Variants in DRAP1 observed in about 807,000 individuals in gnomAD.
The protein encoded by DRAP1 is dr1-associated corepressor.
A neutral mutation model predicts 24.1 loss-of-function variants in DRAP1; 10 were observed. The observed-to-expected ratio is 0.41, with a 90% CI of 0.26 to 0.70. The LOEUF (loss-of-function observed/expected upper bound fraction) is 0.70, where lower values mean the gene tolerates loss of function less well. Ranked by LOEUF, DRAP1 falls within the 30% of genes least tolerant of loss-of-function variation. The pLI, the probability that DRAP1 is intolerant of heterozygous loss-of-function variation, is 0.29. For synonymous variants in DRAP1, 122 were observed against 113.8 expected (o/e 1.07, Z -0.46); for missense variants, 264 against 275.6 (o/e 0.96, Z 0.30).
chr11:65,920,753 CT>C, intron 5 of DRAP1, 91 bp downstream of exon 5: 1 of 1,435,934 alleles, frequency 7.0e-7, no homozygotes, highest in Non-Finnish European at 9.2e-7. Flanking sequence ...AGCTCTCATC[CT>C]TTTCTGCAAC....
Position 65,919,479 on chromosome 11 carries a change from G to A in DRAP1, c.-23G>A, listed in dbSNP as rs1056785292. On this transcript the variant is annotated 5_prime_UTR_variant, in exon 1 of 7. Coordinates refer to ENST00000312515, the MANE Select transcript of DRAP1 (RefSeq NM_006442.4). Reference sequence around the variant, plus strand: ...GGCTGCGGGCGGCGGCGCTGGACCCGACGCGGCGAGAGAGGCCCCGAGATG... The same window carrying A: ...GGCTGCGGGCGGCGGCGCTGGACCCAACGCGGCGAGAGAGGCCCCGAGATG... 4 of 1,532,990 alleles carry A rather than the reference G, an allele frequency of 2.6e-6. No homozygotes were observed. Among genetic ancestry groups the A allele is most frequent in the Non-Finnish European group, 2.6e-6 (3 of 1,140,600 alleles). 95.0% of individuals were successfully genotyped at this position (1,532,990 alleles called of 1,614,324 possible).
At position 65,920,590 on chromosome 11, in the gene DRAP1, C is replaced by A; in HGVS notation, c.351C>A (p.Gly117=). The A allele has an allele frequency of 6.3e-7, 1 of 1,582,130 alleles. No homozygotes were observed. Among genetic ancestry groups the A allele is most frequent in the Non-Finnish European group, 8.6e-7 (1 of 1,164,082 alleles). The part of the protein sequence containing the change: ...GARRGRKPGS[G]GRKNGGMGTK... ...AAAGGGGCCGGAAGCCAGGCAGCGG[C>A]GGCCGGAAGAACGGTGGGATGGGAA... Residue 117 remains glycine, a synonymous_variant, in exon 5 of 7, where the codon GGC becomes GGA. Transcript: ENST00000312515.
chr11:65,919,860 G>A lies in DRAP1; in HGVS notation c.115+8G>A, dbSNP rs778558951. 1 of 1,613,132 alleles carries A rather than the reference G, an allele frequency of 6.2e-7. No individual in the cohort carries two copies. Among genetic ancestry groups the A allele is most frequent in the Non-Finnish European group, 8.5e-7 (1 of 1,179,940 alleles). On this transcript the variant is annotated splice_region_variant and intron_variant, in intron 2 of 6. Coordinates refer to ENST00000312515, the MANE Select transcript of DRAP1 (RefSeq NM_006442.4). ...CGGTGCCTGTCATCATCTGTATCCT[G>A]CCGGGGGCGGACCGGGTCGAGGGGC...
chr11:65,919,745 G>A, intron 1 of DRAP1, 35 bp from the exon 2 acceptor site: 2 of 1,612,320 alleles, frequency 1.2e-6, no homozygotes, highest in South Asian at 1.1e-5. Context: ...GGGGACGGTG[G>A]CGACGGGGTC....
chr11:65,920,697 G>A (rs746759850), intron 5 of DRAP1, 35 bp downstream of exon 5: 11 of 1,464,884 alleles, frequency 7.5e-6, no homozygotes, highest in Non-Finnish European at 9.1e-6. Flanking sequence ...CCTGCCCTTG[G>A]TGATGGGACA....
At chr11:65,921,123 G>C (rs1232582213) in intron 6 of DRAP1, 151 bp downstream of exon 6, 2 of 704,072 alleles carry the variant, frequency 2.8e-6, no homozygotes, top group Non-Finnish European at 4.6e-6. Context: ...GCAGGAGACT[G>C]TTCTCCCGAA....
chr11:65,919,874 G>T, intron 2 of DRAP1, 22 bp downstream of exon 2: 1 of 1,613,252 alleles, frequency 6.2e-7, no homozygotes, highest in Non-Finnish European at 8.5e-7. Context: ...GGGGCGGACC[G>T]GGTCGAGGGG....
rs1380517232 is a variant in DRAP1, at chr11:65,920,949, C to G, written c.489C>G (p.Ser163Arg). 4 of 1,612,220 alleles carry G rather than the reference C, an allele frequency of 2.5e-6. No individual in the cohort carries two copies. Among genetic ancestry groups the G allele is most frequent in the Non-Finnish European group, 3.4e-6 (4 of 1,179,132 alleles). ...EETSQPPPQA[S>R]HPSAHFQSPP... Reference sequence around the variant, plus strand: ...CATCACAACCCCCACCCCAGGCCAGCCACCCCTCTGCCCACTTTCAGAGGT... The same window carrying G: ...CATCACAACCCCCACCCCAGGCCAGGCACCCCTCTGCCCACTTTCAGAGGT... The change falls in exon 6 of 7, where the codon AGC (serine) becomes AGG (arginine). Residue 163 changes from serine to arginine, a missense_variant. By Grantham distance (110) the Ser-to-Arg change is moderately radical. Transcript: ENST00000312515.
In DRAP1 at chr11:65,919,625, G is replaced by C. The variant is rs1466409835; in HGVS notation, c.42+82G>C. 3.2e-5 allele frequency: 49 copies of C among 1,538,884 alleles called. No homozygotes were observed. The East Asian group carries it at 1.2e-3, about 38-fold the overall frequency. ...CAGTTCCCGCTGGGCAGGCGGGCGCGCCGCGGTGTTCGGGGGCCTGGACGC... is the reference window on the plus strand; with the variant it reads ...CAGTTCCCGCTGGGCAGGCGGGCGCCCCGCGGTGTTCGGGGGCCTGGACGC... On this transcript the variant is annotated intron_variant, in intron 1 of 6. Coordinates refer to ENST00000312515, the MANE Select transcript of DRAP1 (RefSeq NM_006442.4).
At chr11:65,921,042 C>G in intron 6 of DRAP1, 70 bp downstream of exon 6, 1 of 1,231,874 alleles carries the variant, frequency 8.1e-7, no homozygotes. Flanking sequence ...CTTGTTCTCC[C>G]TGGCCCCTTG....
chr11:65,920,121 C>T, intron 3 of DRAP1, 80 bp downstream of exon 3: 1 of 1,540,036 alleles, frequency 6.5e-7, no homozygotes, highest in African/African-American at 1.4e-5. Context: ...GCCTGGGTGG[C>T]GAGGGAGGTG....
chr11:65,920,112 C>T (rs2134833598), intron 3 of DRAP1, 71 bp downstream of exon 3: 2 of 1,558,596 alleles, frequency 1.3e-6, no homozygotes, highest in Non-Finnish European at 1.7e-6. Context: ...GAAGGCAGAG[C>T]CTGGGTGGCG....
chr11:65,920,285 C>T, intron 3 of DRAP1, 58 bp from the exon 4 acceptor site: 1 of 1,608,266 alleles, frequency 6.2e-7, no homozygotes, highest in Admixed American at 1.7e-5. Flanking sequence ...CTGCCACCCA[C>T]TGCGGGTTTG....
intron 5 of DRAP1, 74 bp from the exon 6 acceptor site, chr11:65,920,810 A>G (rs1419496375): frequency 6.6e-7 from 1 of 1,504,812 alleles, no homozygotes; most frequent in Non-Finnish European, 9.0e-7. Flanking sequence ...ATGAGGGTCT[A>G]CTGCTGTCCC....
At position 65,919,785 on chromosome 11, in the gene DRAP1, G is replaced by A. The variant is rs149754486; in HGVS notation, c.48G>A (p.Arg16=). ...CTCTGCTCCCCCACCCGCAGGCGCG[G>A]ATCAAGAAGATCATGCAGACGGACG... ...KKYNARFPPA[R]IKKIMQTDEE... is the part of the protein sequence containing the mutation. Residue 16 remains arginine, a synonymous_variant, in exon 2 of 7, where the codon CGG becomes CGA. Coordinates refer to ENST00000312515, the MANE Select transcript of DRAP1 (RefSeq NM_006442.4). 1,987 of 1,613,014 alleles carry A rather than the reference G, an allele frequency of 1.2e-3. 28 individuals are homozygous for A. The African/African-American group carries it at 0.024, about 19-fold the overall frequency.
chr11:65,920,966 T>C lies in DRAP1; in HGVS notation c.506T>C (p.Phe169Ser). 6.2e-7 allele frequency: 1 copy of C among 1,608,880 alleles called. No homozygotes were observed. The highest frequency in any genetic ancestry group is 8.5e-7 in the Non-Finnish European group (1 of 1,177,404). The part of the protein sequence containing the change: ...PPQASHPSAH[F>S]QSPPTPFLPF... Reference sequence around the variant, plus strand: ...CAGGCCAGCCACCCCTCTGCCCACTTTCAGAGGTGAGCAGCCCAGAGGCAT... The same window carrying C: ...CAGGCCAGCCACCCCTCTGCCCACTCTCAGAGGTGAGCAGCCCAGAGGCAT... Residue 169 changes from phenylalanine (F) to serine (S), a missense_variant, in exon 6 of 7, where the codon TTT becomes TCT. Coordinates refer to ENST00000312515, the MANE Select transcript of DRAP1 (RefSeq NM_006442.4).
intron 6 of DRAP1, 132 bp from the exon 7 acceptor site, chr11:65,921,198 T>TGG: frequency 1.4e-6 from 1 of 707,066 alleles, no homozygotes; most frequent in East Asian, 2.8e-5. Context: ...TGAGCTGCCC[T>TGG]GGGCCTTGGC....
At position 65,919,496 on chromosome 11, in the gene DRAP1, C is replaced by G. The variant is rs1012712054; in HGVS notation, c.-6C>G. 1.9e-6 allele frequency: 3 copies of G among 1,541,818 alleles called. No individual in the cohort carries two copies. The highest frequency in any genetic ancestry group is 2.0e-5 in the Admixed American group (1 of 50,528). On this transcript the variant is annotated 5_prime_UTR_variant, in exon 1 of 7. Coordinates refer to ENST00000312515, the MANE Select transcript of DRAP1 (RefSeq NM_006442.4). ...CTGGACCCGACGCGGCGAGAGAGGC[C>G]CCGAGATGCCGAGCAAGAAGAAGAA...
chr11:65,919,681 T>C (rs1456534439), intron 1 of DRAP1, 99 bp from the exon 2 acceptor site: 1 of 1,531,568 alleles, frequency 6.5e-7, no homozygotes, highest in Non-Finnish European at 8.9e-7. Context: ...CCCGCGTCCG[T>C]GTCCCCCGCC....
Sources: gnomAD v4.1 joint callset for allele counts on GRCh38, gnomAD v4.1.1 for gene constraint, MANE v1.5 for transcripts, NCBI Gene and HGNC (gene_info 2026-07-23, HGNC 2026-07-21) for gene names.